ARHGAP17: variants seen among roughly 807,000 people sequenced by gnomAD.
ARHGAP17 encodes rho GTPase-activating protein 17.
A neutral mutation model predicts 99.5 loss-of-function variants in ARHGAP17; 57 were observed. The observed-to-expected ratio is 0.57, with a 90% CI of 0.46 to 0.71. ARHGAP17 has a LOEUF of 0.71. ARHGAP17 is among the 30% of genes least tolerant of loss of function. The pLI is 0.00. For missense variants in ARHGAP17, 1,000 were observed against 1,122.4 expected (o/e 0.89, Z 1.56); for synonymous variants, 417 against 429.6 (o/e 0.97, Z 0.36).
intron 15 of ARHGAP17, among the ~76,000 whole-genome samples, chr16:24,942,957 C>A (rs1021871957): frequency 1.4e-4 from 22 of 152,092 alleles, no homozygotes; most frequent in Non-Finnish European, 2.6e-4. Flanking sequence ...AGGCGTGATT[C>A]CTGATGGTGA....
intron 18 of ARHGAP17, among the ~76,000 whole-genome samples, chr16:24,933,413 T>C (rs1045326210): frequency 2.0e-5 from 3 of 151,232 alleles, no homozygotes; most frequent in Non-Finnish European, 2.9e-5. Context: ...GTCCAGTGGC[T>C]GGAGGATGCA....
At chr16:24,943,679 TGAA>T (rs1567219619) in intron 15 of ARHGAP17, 89 bp downstream of exon 15, 19 of 1,117,310 alleles carry the variant, frequency 1.7e-5, no homozygotes, top group African/African-American at 3.1e-5. Context: ...TACGTAATCA[TGAA>T]GAAGGATTAC....
intron 1 of ARHGAP17, among the ~76,000 whole-genome samples, chr16:25,002,550 C>CA (rs1270981726): frequency 3.3e-5 from 5 of 152,184 alleles, no homozygotes; most frequent in Admixed American, 1.3e-4. Flanking sequence ...ATCATTCCCC[C>CA]CTAAAACTGG....
chr16:24,938,301 T>G (rs1658579038), intron 17 of ARHGAP17, among the ~76,000 whole-genome samples: 1 of 151,528 alleles, frequency 6.6e-6, no homozygotes, highest in African/African-American at 2.4e-5. Context: ...GAGACGGAGG[T>G]TGCAGTGAAC....
intron 3 of ARHGAP17, among the ~76,000 whole-genome samples, chr16:24,974,549 G>T (rs376355109): frequency 2.0e-5 from 3 of 152,228 alleles, no homozygotes; most frequent in East Asian, 3.9e-4. Flanking sequence ...TGCCCCCAGG[G>T]GTGTAATTCT....
At chr16:24,977,129 C>T (rs2052542286) in intron 3 of ARHGAP17, 86 bp downstream of exon 3, 2 of 1,071,370 alleles carry the variant, frequency 1.9e-6, no homozygotes, top group South Asian at 5.7e-5. Context: ...TCCACTGATG[C>T]CACTTAGGAC....
intron 10 of ARHGAP17, 68 bp from the exon 11 acceptor site, chr16:24,953,110 T>A: frequency 7.1e-7 from 1 of 1,406,930 alleles, no homozygotes; most frequent in East Asian, 2.3e-5. Flanking sequence ...GGCAGTGTGT[T>A]CTGATGGGTA....
intron 7 of ARHGAP17, among the ~76,000 whole-genome samples, chr16:24,961,239 C>T (rs2051988097): frequency 6.6e-6 from 1 of 152,100 alleles, no homozygotes; most frequent in Non-Finnish European, 1.5e-5. Context: ...CAGTTATTAC[C>T]TATTGGGAGC....
At chr16:24,951,289 T>G (rs1417989877) in intron 12 of ARHGAP17, among the ~76,000 whole-genome samples, 1 of 152,242 alleles carries the variant, frequency 6.6e-6, no homozygotes, top group Non-Finnish European at 1.5e-5. Context: ...CTCCTGGCCC[T>G]GTTCCCTCCC....
intron 1 of ARHGAP17, among the ~76,000 whole-genome samples, chr16:25,013,246 C>G (rs1395897429): frequency 6.6e-6 from 1 of 152,116 alleles, no homozygotes; most frequent in African/African-American, 2.4e-5. Context: ...GAGAGGCTTC[C>G]AGGAGTTCCA....
At chr16:24,964,523 T>C (rs555673370) in intron 6 of ARHGAP17, among the ~76,000 whole-genome samples, 3 of 152,322 alleles carry the variant, frequency 2.0e-5, no homozygotes, top group African/African-American at 4.8e-5. Flanking sequence ...ACTCTCATAG[T>C]GCTAGGAGTA....
chr16:24,997,196 G>A (rs116113548), intron 1 of ARHGAP17, among the ~76,000 whole-genome samples: 2,143 of 152,100 alleles, frequency 0.014, 42 homozygotes, highest in African/African-American at 0.048. Context: ...ACATGGACTG[G>A]TGCAAGGTGC....
At chr16:24,974,077 A>C (rs11862537) in intron 3 of ARHGAP17, among the ~76,000 whole-genome samples, 47,760 of 152,142 alleles carry the variant, frequency 0.31, 7,734 homozygotes, top group East Asian at 0.5. Context: ...CCCTCAGAAG[A>C]AGCACTTCTA....
At chr16:24,976,562 AGGAAAGG>A (rs1336095832) in intron 3 of ARHGAP17, among the ~76,000 whole-genome samples, 9 of 151,884 alleles carry the variant, frequency 5.9e-5, no homozygotes, top group East Asian at 1.9e-4. Context: ...GAGAAGGGAA[AGGAAAGG>A]GGAAAGGGGA....
At chr16:24,987,221 A>G (rs1317394322) in intron 1 of ARHGAP17, among the ~76,000 whole-genome samples, 1 of 152,192 alleles carries the variant, frequency 6.6e-6, no homozygotes, top group Non-Finnish European at 1.5e-5. Context: ...GCTGTGCCCC[A>G]ATAAACCTTT....
intron 12 of ARHGAP17, 59 bp from the exon 13 acceptor site, chr16:24,949,543 A>G: frequency 7.6e-6 from 11 of 1,448,620 alleles, no homozygotes; most frequent in Non-Finnish European, 1.0e-5. Context: ...TCTTATTAAT[A>G]TGCTATGTTA....
chr16:24,942,608 A>G (rs772992333), intron 15 of ARHGAP17, among the ~76,000 whole-genome samples: 1 of 151,912 alleles, frequency 6.6e-6, no homozygotes, highest in Non-Finnish European at 1.5e-5. Context: ...CTCTACTAAA[A>G]ATACAAAAAA....
At chr16:24,948,276 G>A (rs1412074766) in intron 13 of ARHGAP17, among the ~76,000 whole-genome samples, 1 of 152,098 alleles carries the variant, frequency 6.6e-6, no homozygotes, top group Admixed American at 6.5e-5. Context: ...TTAAAAAGGG[G>A]GTGTGAGAGG....
At chr16:24,981,395 T>C (rs1448395664) in intron 1 of ARHGAP17, among the ~76,000 whole-genome samples, 1 of 151,892 alleles carries the variant, frequency 6.6e-6, no homozygotes, top group African/African-American at 2.4e-5. Context: ...GGACATAATA[T>C]AAATATCAAA....
Sources: gnomAD v4.1 joint callset for allele counts (sites outside exome capture counted in the v4.1 genomes callset) on GRCh38, gnomAD v4.1.1 for gene constraint, MANE v1.5 for transcripts, NCBI Gene and HGNC (gene_info 2026-07-23, HGNC 2026-07-21) for gene names.